Variants in SLC44A5 observed in about 807,000 individuals in gnomAD.
SLC44A5 encodes solute carrier family 44 member 5.
Under a neutral mutation model 101.8 loss-of-function variants are expected in SLC44A5, and 57 were observed. The observed-to-expected ratio is 0.56, with a 90% CI of 0.45 to 0.70. The LOEUF is 0.70. Among genes scored for constraint, SLC44A5 ranks in the 30% least tolerant of loss-of-function variants. The probability of loss-of-function intolerance (pLI) is 0.00; values close to 1 mark genes in which losing one functional copy is unlikely to be tolerated. For missense variants in SLC44A5, 737 were observed against 853.1 expected (o/e 0.86, Z 1.70); for synonymous variants, 281 against 290.9 (o/e 0.97, Z 0.35).
At chr1:75,563,240 A>T (rs1440493956) in intron 1 of SLC44A5, among the ~76,000 whole-genome samples, 7 of 152,216 alleles carry the variant, frequency 4.6e-5, no homozygotes, top group Non-Finnish European at 1.5e-5. Flanking sequence ...TGTAAAACTA[A>T]ATTAAGCAGT....
At chr1:75,692,581 G>A in the SLC44A5 span, among the ~76,000 whole-genome samples, 2 of 152,160 alleles carry the variant, frequency 1.3e-5, no homozygotes, top group South Asian at 4.1e-4. Flanking sequence ...AGAGGAAGCA[G>A]AGTGTATCTG....
At chr1:75,413,368 T>C (rs1433950181) in intron 2 of SLC44A5, among the ~76,000 whole-genome samples, 1 of 152,124 alleles carries the variant, frequency 6.6e-6, no homozygotes, top group Non-Finnish European at 1.5e-5. Flanking sequence ...GTCTTCTTCT[T>C]CCTCTCTTAC....
At chr1:75,340,043 T>C (rs1234866090) in intron 3 of SLC44A5, among the ~76,000 whole-genome samples, 2 of 152,196 alleles carry the variant, frequency 1.3e-5, no homozygotes, top group Non-Finnish European at 2.9e-5. Flanking sequence ...AGCTCTCCCA[T>C]TCCTCTCAGT....
the SLC44A5 span, among the ~76,000 whole-genome samples, chr1:75,664,573 AAAAT>A: frequency 3.3e-5 from 5 of 152,180 alleles, no homozygotes; most frequent in Non-Finnish European, 7.3e-5. Flanking sequence ...AAAATAAAAT[AAAAT>A]AAAATATCTA....
chr1:75,469,900 GAAAA>G (rs1171157547), intron 2 of SLC44A5, among the ~76,000 whole-genome samples: 14 of 80,542 alleles, frequency 1.7e-4, no homozygotes, highest in South Asian at 4.4e-4. Context: ...ACCTTGTGAA[GAAAA>G]AAAAAAAAAA....
intron 2 of SLC44A5, among the ~76,000 whole-genome samples, chr1:75,397,999 C>T (rs1220205324): frequency 1.3e-5 from 2 of 151,988 alleles, no homozygotes; most frequent in Non-Finnish European, 2.9e-5. Context: ...ATGAAGTGCC[C>T]AAAATATAAA....
At chr1:75,623,049 A>G in the SLC44A5 span, among the ~76,000 whole-genome samples, 1 of 152,168 alleles carries the variant, frequency 6.6e-6, no homozygotes, top group African/African-American at 2.4e-5. Flanking sequence ...TTCAACAAAT[A>G]TGCATTGAGT....
the SLC44A5 span, among the ~76,000 whole-genome samples, chr1:75,673,310 A>T: frequency 6.6e-6 from 1 of 151,832 alleles, no homozygotes; most frequent in African/African-American, 2.4e-5. Context: ...CGGGGGTGTG[A>T]TGACCACAAG....
At chr1:75,563,017 A>C (rs1672606408) in intron 1 of SLC44A5, among the ~76,000 whole-genome samples, 1 of 152,264 alleles carries the variant, frequency 6.6e-6, no homozygotes, top group African/African-American at 2.4e-5. Context: ...AATGTTTCTT[A>C]CCTTTTCTCT....
chr1:75,420,177 G>A (rs1342402546), intron 2 of SLC44A5, among the ~76,000 whole-genome samples: 1 of 152,120 alleles, frequency 6.6e-6, no homozygotes, highest in Non-Finnish European at 1.5e-5. Flanking sequence ...CACCAAATCT[G>A]TTGGTGCCTT....
the SLC44A5 span, among the ~76,000 whole-genome samples, chr1:75,721,109 T>C: frequency 0.27 from 41,002 of 152,096 alleles, 5,758 homozygotes; most frequent in Middle Eastern, 0.37. Context: ...ACTTAAGGTC[T>C]GTGTTGATGT....
chr1:75,396,652 AT>A (rs1260912092), intron 2 of SLC44A5, 31 bp from the exon 3 acceptor site: 2 of 1,580,554 alleles, frequency 1.3e-6, no homozygotes, highest in African/African-American at 2.7e-5. Flanking sequence ...CAAAAAAAAT[AT>A]TTGTAGGGGC....
At chr1:75,245,395 T>A (rs1649019532) in intron 7 of SLC44A5, among the ~76,000 whole-genome samples, 1 of 152,126 alleles carries the variant, frequency 6.6e-6, no homozygotes. Context: ...TGATTATCAA[T>A]GCAAATGTCA....
rs1206508030 is a variant in SLC44A5 at position 75,380,975 on chromosome 1, T to G, written c.52+15608A>C. On this transcript the variant is annotated intron_variant, in intron 3 of 23. Transcript: ENST00000370859. ...TTAATGGCTGCAGTCCAAAATTGGTTGGTGGAAGTACCTACTGTCAGTCCC... is the reference window on the plus strand; with the variant it reads ...TTAATGGCTGCAGTCCAAAATTGGTGGGTGGAAGTACCTACTGTCAGTCCC... 2.4e-5 allele frequency among the ~76,000 whole-genome samples: 2 copies of G among 82,796 alleles called. 1 individual carries two copies. The highest frequency in any genetic ancestry group is 4.2e-5 in the Non-Finnish European group (2 of 48,008). 54.3% of individuals were successfully genotyped at this position (82,796 alleles called of 152,430 possible).
chr1:75,608,957 A>C (rs1675490316), intron 1 of SLC44A5, among the ~76,000 whole-genome samples: 2 of 151,730 alleles, frequency 1.3e-5, no homozygotes, highest in African/African-American at 4.8e-5. Context: ...CATGCTTATT[A>C]TTCATTGTTT....
intron 2 of SLC44A5, among the ~76,000 whole-genome samples, chr1:75,525,325 T>C (rs1167770285): frequency 6.6e-6 from 1 of 152,188 alleles, no homozygotes; most frequent in African/African-American, 2.4e-5. Flanking sequence ...TGCCTTCTGT[T>C]GTGATGTAAC....
intron 2 of SLC44A5, among the ~76,000 whole-genome samples, chr1:75,485,428 A>C (rs1434278364): frequency 6.6e-6 from 1 of 152,188 alleles, no homozygotes; most frequent in Non-Finnish European, 1.5e-5. Flanking sequence ...AGGAAGAGTG[A>C]CCTTTGCTCC....
At chr1:75,336,451 G>C (rs929155701) in intron 4 of SLC44A5, among the ~76,000 whole-genome samples, 62 of 152,246 alleles carry the variant, frequency 4.1e-4, no homozygotes, top group African/African-American at 1.4e-3. Context: ...ACCGTGCCCG[G>C]CCAGAATATG....
the SLC44A5 span, among the ~76,000 whole-genome samples, chr1:75,704,546 A>G: frequency 2.0e-5 from 3 of 152,140 alleles, no homozygotes; most frequent in Non-Finnish European, 4.4e-5. Flanking sequence ...AAAAATCTGC[A>G]CCTATTTCAT....
Sources: allele counts gnomAD v4.1 joint callset (sites outside exome capture counted in the v4.1 genomes callset), GRCh38; gene constraint gnomAD v4.1.1; transcripts MANE v1.5; gene names NCBI Gene and HGNC (gene_info 2026-07-23, HGNC 2026-07-21).